Variants in SPMIP4 observed in about 807,000 individuals in gnomAD.
The protein encoded by SPMIP4 is sperm microtubule inner protein 4, also known as sperm-associated microtubule inner protein 4.
At chr7:25,146,563 T>C in the SPMIP4 span, among the ~76,000 whole-genome samples, 1 of 152,146 alleles carries the variant, frequency 6.6e-6, no homozygotes, top group African/African-American at 2.4e-5. Flanking sequence ...GAATTGTCCC[T>C]GGAATGAGGA....
chr7:25,144,825 G>A, the SPMIP4 span, among the ~76,000 whole-genome samples: 1 of 152,176 alleles, frequency 6.6e-6, no homozygotes, highest in Non-Finnish European at 1.5e-5. Flanking sequence ...AGTAATCATG[G>A]TAAAAGGCAC....
chr7:25,160,294 ATATT>A, the SPMIP4 span, among the ~76,000 whole-genome samples: 6 of 70,038 alleles, frequency 8.6e-5, no homozygotes, highest in Admixed American at 1.7e-4. Flanking sequence ...GTCGTGTTTA[ATATT>A]TATTTGTTTG....
the SPMIP4 span, chr7:25,151,827 GC>G: frequency 2.0e-6 from 1 of 494,710 alleles, no homozygotes; most frequent in East Asian, 3.4e-5. Context: ...GAGAGATTCA[GC>G]TTGCTCTTGA....
chr7:25,169,430 G>A, the SPMIP4 span, among the ~76,000 whole-genome samples: 3 of 152,028 alleles, frequency 2.0e-5, no homozygotes, highest in Admixed American at 6.6e-5. Flanking sequence ...TCTACTTTCT[G>A]TAGATTTGCC....
chr7:25,137,947 C>T, the SPMIP4 span, among the ~76,000 whole-genome samples: 2 of 152,108 alleles, frequency 1.3e-5, no homozygotes, highest in African/African-American at 4.8e-5. Flanking sequence ...AAAGATTTAC[C>T]AGTAAAACCA....
the SPMIP4 span, among the ~76,000 whole-genome samples, chr7:25,169,703 T>C: frequency 6.6e-6 from 1 of 152,042 alleles, no homozygotes; most frequent in Admixed American, 6.6e-5. Flanking sequence ...GCCTCCCGAG[T>C]AGCTGGGATT....
the SPMIP4 span, among the ~76,000 whole-genome samples, chr7:25,134,147 C>A: frequency 6.6e-6 from 1 of 151,932 alleles, no homozygotes; most frequent in East Asian, 1.9e-4. Flanking sequence ...GTAATCCCAG[C>A]TACTTGGGAG....
chr7:25,171,730 TTTTTG>T, the SPMIP4 span, among the ~76,000 whole-genome samples: 1 of 152,180 alleles, frequency 6.6e-6, no homozygotes, highest in Non-Finnish European at 1.5e-5. Flanking sequence ...CAAATTTACA[TTTTTG>T]TTTTAAGGTG....
the SPMIP4 span, among the ~76,000 whole-genome samples, chr7:25,171,555 A>G: frequency 3.3e-5 from 5 of 152,306 alleles, no homozygotes; most frequent in East Asian, 9.6e-4. Context: ...CAAACTTCCC[A>G]CTGAAAACAA....
At chr7:25,131,463 C>G in the SPMIP4 span, among the ~76,000 whole-genome samples, 1 of 152,208 alleles carries the variant, frequency 6.6e-6, no homozygotes, top group Non-Finnish European at 1.5e-5. This position sits in a 1 kb window ranked among gnomAD's most constrained non-coding sequence, Gnocchi z 4.2. Flanking sequence ...AGGTTGTGGA[C>G]TGCTGGGTTA....
the SPMIP4 span, chr7:25,142,826 A>G: frequency 2.7e-6 from 4 of 1,495,852 alleles, no homozygotes; most frequent in Non-Finnish European, 3.5e-6. Context: ...TAAAATATGA[A>G]CATAAAGATT....
the SPMIP4 span, among the ~76,000 whole-genome samples, chr7:25,133,521 C>A: frequency 1.3e-5 from 2 of 152,200 alleles, no homozygotes; most frequent in Non-Finnish European, 2.9e-5. Context: ...TTTAGAAGAT[C>A]TCTCAGATTG....
chr7:25,132,362 G>A, the SPMIP4 span, among the ~76,000 whole-genome samples: 1 of 152,170 alleles, frequency 6.6e-6, no homozygotes, highest in Non-Finnish European at 1.5e-5. The surrounding 1 kb of genome is among the most constrained non-coding windows in gnomAD (Gnocchi z 5.0). Context: ...CTGTCTCTCA[G>A]TATAACTATT....
At chr7:25,143,773 CT>C in the SPMIP4 span, among the ~76,000 whole-genome samples, 5 of 151,828 alleles carry the variant, frequency 3.3e-5, no homozygotes, top group East Asian at 9.7e-4. Flanking sequence ...TTAAAAAATA[CT>C]TTTTGTAGAG....
At chr7:25,136,765 G>C in the SPMIP4 span, 3 of 1,612,394 alleles carry the variant, frequency 1.9e-6, no homozygotes, top group Non-Finnish European at 2.5e-6. This position sits in a 1 kb window ranked among gnomAD's most constrained non-coding sequence, Gnocchi z 5.7. Context: ...CGGTCTGGGA[G>C]GTTTGAAGAC....
the SPMIP4 span, among the ~76,000 whole-genome samples, chr7:25,146,295 GGT>G: frequency 6.6e-6 from 1 of 152,120 alleles, no homozygotes; most frequent in Non-Finnish European, 1.5e-5. Flanking sequence ...GAGATGGAAT[GGT>G]GGGAACACTG....
chr7:25,170,980 G>T, the SPMIP4 span, among the ~76,000 whole-genome samples: 3 of 152,226 alleles, frequency 2.0e-5, no homozygotes, highest in African/African-American at 7.2e-5. Flanking sequence ...GAGCTTCTTA[G>T]AAATGCAAAT....
At chr7:25,157,346 CT>C in the SPMIP4 span, among the ~76,000 whole-genome samples, 6 of 152,238 alleles carry the variant, frequency 3.9e-5, no homozygotes, top group South Asian at 2.1e-4. Flanking sequence ...ATCCAGATGC[CT>C]TAAGTGTGGG....
At chr7:25,165,279 G>A in the SPMIP4 span, among the ~76,000 whole-genome samples, 1 of 152,004 alleles carries the variant, frequency 6.6e-6, no homozygotes, top group African/African-American at 2.4e-5. Flanking sequence ...CATATAGGAT[G>A]CATTGGTGAT....
Sources: gnomAD v4.1 joint callset for allele counts (sites outside exome capture counted in the v4.1 genomes callset) on GRCh38, gnomAD v4.1.1 for gene constraint, Gnocchi (gnomAD v3.1) non-coding constraint, MANE v1.5 for transcripts, NCBI Gene and HGNC (gene_info 2026-07-23, HGNC 2026-07-21) for gene names.